PRORP: variants seen among roughly 807,000 people sequenced by gnomAD.
The protein encoded by PRORP is protein only RNase P catalytic subunit.
A neutral mutation model predicts 59.4 loss-of-function variants in PRORP; 51 were observed. That is an observed-to-expected ratio of 0.86 (90% CI 0.69 to 1.08). PRORP has a LOEUF of 1.08. PRORP is among the 50% of genes least tolerant of loss of function. PRORP has a pLI of 0.00. For synonymous variants in PRORP, 231 were observed against 245.6 expected, an observed-to-expected ratio of 0.94 and a Z score of 0.55; for missense variants, 646 against 690.3, an observed-to-expected ratio of 0.94 and a Z score of 0.72.
At chr14:35,253,924 T>C (rs1290797769) in intron 5 of PRORP, among the ~76,000 whole-genome samples, 1 of 151,916 alleles carries the variant, frequency 6.6e-6, no homozygotes, top group Non-Finnish European at 1.5e-5. Context: ...TTACCTGTCC[T>C]GTTACGGCTC....
intron 5 of PRORP, among the ~76,000 whole-genome samples, chr14:35,219,438 A>G (rs2049712494): frequency 6.6e-6 from 1 of 152,134 alleles, no homozygotes; most frequent in Non-Finnish European, 1.5e-5. Flanking sequence ...CTATGGAGAC[A>G]TTTTTTCTAC....
chr14:35,226,002 C>T (rs2049925034), intron 5 of PRORP, among the ~76,000 whole-genome samples: 1 of 152,174 alleles, frequency 6.6e-6, no homozygotes, highest in African/African-American at 2.4e-5. Context: ...CTTCTGGTGA[C>T]CTAGTGATAC....
chr14:35,198,358 A>G (rs2049058519), intron 5 of PRORP, among the ~76,000 whole-genome samples: 1 of 152,112 alleles, frequency 6.6e-6, no homozygotes, highest in African/African-American at 2.4e-5. Flanking sequence ...CGGTGAATGG[A>G]TTGTGTAAGC....
Position 35,187,619 on chromosome 14 carries a change from G to A in PRORP, c.1275+6842G>A, listed in dbSNP as rs111542326. On this transcript the variant is annotated intron_variant, in intron 5 of 7. Transcript: ENST00000534898. ...TTTTTTTCGTATTTTTAGTAGAGACGGGTTTTCGCCATGTTGGCCAGGTTG... is the reference window on the plus strand; with the variant it reads ...TTTTTTTCGTATTTTTAGTAGAGACAGGTTTTCGCCATGTTGGCCAGGTTG... 9.9e-5 allele frequency among the ~76,000 whole-genome samples: 15 copies of A among 151,326 alleles called. 1 individual carries two copies. Among genetic ancestry groups the A allele is most frequent in the Admixed American group, 5.9e-4 (9 of 15,150 alleles).
At chr14:35,215,186 A>C (rs975442467) in intron 5 of PRORP, among the ~76,000 whole-genome samples, 3 of 152,080 alleles carry the variant, frequency 2.0e-5, no homozygotes, top group Non-Finnish European at 4.4e-5. Flanking sequence ...TATTCTCTAA[A>C]GATTCTTTCA....
chr14:35,212,127 T>C (rs1430115465), intron 5 of PRORP, among the ~76,000 whole-genome samples: 2 of 152,204 alleles, frequency 1.3e-5, no homozygotes, highest in African/African-American at 2.4e-5. Context: ...TATTATGAGG[T>C]TACAGCAATT....
rs780712886 is a variant in PRORP, at chr14:35,123,683, A to T, written c.438A>T (p.Ser146=). ...CCAGTTTCGAAAGTTGGATCATTTCACAGATGGCTGGCTGTCATAGCTCTA... is the reference window on the plus strand; with the variant it reads ...CCAGTTTCGAAAGTTGGATCATTTCTCAGATGGCTGGCTGTCATAGCTCTA... ...GKTSFESWII[S]QMAGCHSSID... Residue 146 remains serine (S), a synonymous_variant, in exon 2 of 8, where the codon TCA becomes TCT. Coordinates refer to ENST00000534898, the MANE Select transcript of PRORP (RefSeq NM_014672.4). 6.2e-7 allele frequency: 1 copy of T among 1,614,216 alleles called. No individual in the cohort carries two copies. Among genetic ancestry groups the T allele is most frequent in the Non-Finnish European group, 8.5e-7 (1 of 1,180,040 alleles).
chr14:35,191,530 C>T (rs917054129), intron 5 of PRORP, among the ~76,000 whole-genome samples: 2 of 151,974 alleles, frequency 1.3e-5, no homozygotes, highest in African/African-American at 4.8e-5. Flanking sequence ...AGCGAGACCC[C>T]ATCTCTACAG....
At chr14:35,268,193 G>A (rs926156295) in intron 6 of PRORP, among the ~76,000 whole-genome samples, 2 of 151,678 alleles carry the variant, frequency 1.3e-5, no homozygotes, top group African/African-American at 2.4e-5. Context: ...CTAAAAATAC[G>A]ATTAGCCAGA....
At chr14:35,171,432 G>A (rs994305636) in intron 4 of PRORP, among the ~76,000 whole-genome samples, 5 of 151,848 alleles carry the variant, frequency 3.3e-5, no homozygotes, top group African/African-American at 1.2e-4. Flanking sequence ...GCAGTTTTTT[G>A]TTGTTGTTAT....
In PRORP at chr14:35,275,225, C is replaced by T. The variant is rs1459086129; in HGVS notation, c.*1659C>T. On this transcript the variant is annotated 3_prime_UTR_variant, in exon 8 of 8. Coordinates refer to ENST00000534898, the MANE Select transcript of PRORP (RefSeq NM_014672.4). The stretch of plus-strand genomic sequence containing the variant: ...TATTTACATTTATGACAATATACCT[C>T]AAAGTAAGTTAGGGTAAGAAAAGAT... 2 of 151,854 alleles carry T rather than the reference C, an allele frequency of 1.3e-5. No homozygotes were observed. The highest frequency in any genetic ancestry group is 4.8e-5 in the African/African-American group (2 of 41,314). The allele number at this position is 151,854 out of a possible 1,614,324, so 9.4% of individuals were successfully genotyped here.
At chr14:35,143,838 G>C (rs1180370624) in intron 4 of PRORP, among the ~76,000 whole-genome samples, 1 of 144,908 alleles carries the variant, frequency 6.9e-6, no homozygotes, top group African/African-American at 2.4e-5. Context: ...AGTAGAGATG[G>C]GGTTTCTCCA....
At chr14:35,270,308 C>T in intron 6 of PRORP, 93 bp from the exon 7 acceptor site, 1 of 1,253,916 alleles carries the variant, frequency 8.0e-7, no homozygotes, top group East Asian at 2.3e-5. Context: ...TCAGAGGCAC[C>T]TCCAAGGAAA....
In PRORP at chr14:35,123,035, A is replaced by G; in HGVS notation, c.-211A>G. 1 of 563,754 alleles carries G rather than the reference A, an allele frequency of 1.8e-6. No homozygotes were observed. 34.9% of individuals were successfully genotyped at this position (563,754 alleles called of 1,614,324 possible). ...GGCTTGCGACGTTGGACATCCCCGGATTGTTGTTTAATAGAGAAAACTCAC... is the reference window on the plus strand; with the variant it reads ...GGCTTGCGACGTTGGACATCCCCGGGTTGTTGTTTAATAGAGAAAACTCAC... On this transcript the variant is annotated 5_prime_UTR_variant, in exon 2 of 8. Transcript: ENST00000534898.
At chr14:35,136,735 G>A (rs1214822455) in intron 4 of PRORP, among the ~76,000 whole-genome samples, 3 of 145,100 alleles carry the variant, frequency 2.1e-5, no homozygotes, top group African/African-American at 7.3e-5. Context: ...ACAGGGGAGA[G>A]TTAATGCTGG....
In PRORP at chr14:35,123,682, C is replaced by G. The variant is rs751051727; in HGVS notation, c.437C>G (p.Ser146Ter). The G allele has an allele frequency of 1.9e-6, 3 of 1,614,192 alleles. No homozygotes were observed. Among genetic ancestry groups the G allele is most frequent in the Non-Finnish European group, 2.5e-6 (3 of 1,180,042 alleles). The change falls in exon 2 of 8, where the codon TCA (serine) becomes TGA (stop). Residue 146 changes from serine to a stop codon, truncating the protein, a stop_gained. Transcript: ENST00000534898. LOFTEE classifies it high-confidence loss of function. ...ACCAGTTTCGAAAGTTGGATCATTTCACAGATGGCTGGCTGTCATAGCTCT... is the reference window on the plus strand; with the variant it reads ...ACCAGTTTCGAAAGTTGGATCATTTGACAGATGGCTGGCTGTCATAGCTCT... ...GKTSFESWII[S>*]QMAGCHSSID...
At chr14:35,184,454 A>C (rs1180983608) in intron 5 of PRORP, among the ~76,000 whole-genome samples, 1 of 152,150 alleles carries the variant, frequency 6.6e-6, no homozygotes, top group Non-Finnish European at 1.5e-5. Flanking sequence ...TTGCCACCTC[A>C]GTTGAATTAG....
At chr14:35,190,143 A>T (rs1289198075) in intron 5 of PRORP, among the ~76,000 whole-genome samples, 1 of 151,448 alleles carries the variant, frequency 6.6e-6, no homozygotes, top group African/African-American at 2.4e-5. Flanking sequence ...TCATGCCTGT[A>T]ATCCCAGCAC....
chr14:35,240,560 T>G (rs886508415), intron 5 of PRORP, among the ~76,000 whole-genome samples: 6 of 152,228 alleles, frequency 3.9e-5, no homozygotes, highest in Admixed American at 3.9e-4. Flanking sequence ...TAAACATCCT[T>G]GGACTAGCAT....
Sources: gnomAD v4.1 joint callset for allele counts (sites outside exome capture counted in the v4.1 genomes callset) on GRCh38, gnomAD v4.1.1 for gene constraint, MANE v1.5 for transcripts, NCBI Gene and HGNC (gene_info 2026-07-23, HGNC 2026-07-21) for gene names.